Variants in GNAL observed in about 807,000 individuals in gnomAD.
GNAL encodes the protein guanine nucleotide-binding protein G(olf) subunit alpha.
In GNAL, 18 loss-of-function variants were observed where a neutral mutation model predicts 55.1. The ratio of observed to expected loss-of-function variants is 0.33; its 90% CI spans 0.23 to 0.48. The LOEUF (loss-of-function observed/expected upper bound fraction) is 0.48. GNAL is among the 20% of genes least tolerant of loss of function. GNAL has a pLI of 0.99. For missense variants in GNAL, 412 were observed against 614.1 expected (o/e 0.67, Z 3.48); for synonymous variants, 253 against 237.0 (o/e 1.07, Z -0.62).
intron 1 of GNAL, among the ~76,000 whole-genome samples, chr18:11,729,201 T>G (rs2032279528): frequency 6.6e-6 from 1 of 152,142 alleles, no homozygotes. Context: ...GTACAACATC[T>G]TCCATCAAAG....
intron 1 of GNAL, among the ~76,000 whole-genome samples, chr18:11,733,860 A>C (rs2032398483): frequency 7.1e-6 from 1 of 141,116 alleles, no homozygotes. Context: ...TGTATCCCCT[A>C]TGTCTATCAC....
chr18:11,845,275 C>A (rs1248238136), intron 5 of GNAL, among the ~76,000 whole-genome samples: 1 of 152,146 alleles, frequency 6.6e-6, no homozygotes, highest in Non-Finnish European at 1.5e-5. Context: ...TACCGTATTA[C>A]GCCAGACGCA....
intron 1 of GNAL, among the ~76,000 whole-genome samples, chr18:11,699,613 T>C (rs887709116): frequency 6.6e-6 from 1 of 152,016 alleles, no homozygotes; most frequent in Non-Finnish European, 1.5e-5. Context: ...AACAGAAAAT[T>C]ACCTTCTATC....
intron 1 of GNAL, among the ~76,000 whole-genome samples, chr18:11,715,378 A>G (rs866916782): frequency 6.2e-4 from 92 of 149,540 alleles, no homozygotes; most frequent in Middle Eastern, 3.4e-3. Context: ...GGAGAATGGC[A>G]TGAACCCGGG....
intron 4 of GNAL, chr18:11,810,256 T>TG (rs2034776183): frequency 6.6e-6 from 1 of 152,304 alleles, no homozygotes; most frequent in South Asian, 2.1e-4. Context: ...TAGCCAGGCG[T>TG]GGTGGTGTGC....
intron 4 of GNAL, among the ~76,000 whole-genome samples, chr18:11,796,113 ATAT>A (rs2034372527): frequency 1.3e-5 from 2 of 152,172 alleles, no homozygotes; most frequent in Non-Finnish European, 2.9e-5. Flanking sequence ...CATTAACTTT[ATAT>A]ACACAAACCA....
chr18:11,724,984 G>T (rs2032181180), intron 1 of GNAL, among the ~76,000 whole-genome samples: 3 of 152,144 alleles, frequency 2.0e-5, no homozygotes. Flanking sequence ...AGCACCATGG[G>T]GTCTGCTGGG....
chr18:11,769,013 T>A (rs1218820076), intron 4 of GNAL, among the ~76,000 whole-genome samples: 2 of 106,216 alleles, frequency 1.9e-5, no homozygotes, highest in South Asian at 2.3e-4. Context: ...AATATATATA[T>A]TCTATATTAT....
At chr18:11,800,380 A>C (rs945736739) in intron 4 of GNAL, among the ~76,000 whole-genome samples, 7 of 152,214 alleles carry the variant, frequency 4.6e-5, no homozygotes, top group Admixed American at 3.3e-4. Context: ...AATTGGGAGA[A>C]TTGCTGAACA....
At chr18:11,755,522 G>T (rs1568012215) in intron 4 of GNAL, among the ~76,000 whole-genome samples, 1 of 152,096 alleles carries the variant, frequency 6.6e-6, no homozygotes, top group African/African-American at 2.4e-5. Flanking sequence ...TGATCCACCC[G>T]CCTCGGCCTC....
intron 5 of GNAL, among the ~76,000 whole-genome samples, chr18:11,827,035 C>A (rs1370132329): frequency 6.6e-6 from 1 of 152,132 alleles, no homozygotes; most frequent in Non-Finnish European, 1.5e-5. Flanking sequence ...GGGCACAGGT[C>A]GTCCGGGCCA....
intron 4 of GNAL, among the ~76,000 whole-genome samples, chr18:11,754,167 C>T (rs995638537): frequency 2.0e-5 from 3 of 152,126 alleles, no homozygotes; most frequent in African/African-American, 7.2e-5. Context: ...GTAATCCCAG[C>T]GCTTTGGGAG....
chr18:11,824,052 GT>G (rs1598408686), intron 4 of GNAL, among the ~76,000 whole-genome samples: 2 of 151,898 alleles, frequency 1.3e-5, no homozygotes, highest in East Asian at 3.9e-4. Context: ...TTAACTCCTA[GT>G]TTTTTTTAAA....
intron 4 of GNAL, among the ~76,000 whole-genome samples, chr18:11,824,474 G>C (rs1039673729): frequency 1.3e-5 from 2 of 151,998 alleles, no homozygotes; most frequent in African/African-American, 4.8e-5. Flanking sequence ...GATCACTTGA[G>C]GTCAGGAGTT....
At chr18:11,696,523 G>A (rs913575803) in intron 1 of GNAL, among the ~76,000 whole-genome samples, 12 of 149,550 alleles carry the variant, frequency 8.0e-5, no homozygotes, top group Admixed American at 2.0e-4. Flanking sequence ...AAAAAAGCAC[G>A]CATAACACAT....
chr18:11,743,364 A>G (rs1022330806), intron 1 of GNAL, among the ~76,000 whole-genome samples: 1 of 151,976 alleles, frequency 6.6e-6, no homozygotes. Context: ...TGCAGACCAC[A>G]TTGTTCCTCT....
intron 7 of GNAL, among the ~76,000 whole-genome samples, chr18:11,864,928 A>T (rs1469984344): frequency 1.3e-5 from 2 of 152,188 alleles, no homozygotes; most frequent in South Asian, 2.1e-4. Context: ...TGAAATGAGC[A>T]GTTTATGTGT....
In GNAL at chr18:11,751,189, G is replaced by A. The variant is rs9967279; in HGVS notation, c.377-1664G>A. Among the ~76,000 whole-genome samples, 27,633 of 152,052 alleles carry A rather than the reference G, an allele frequency of 0.18. 3,913 individuals carry two copies. Among genetic ancestry groups the A allele is most frequent in the African/African-American group, 0.4 (16,463 of 41,428 alleles). On this transcript the variant is annotated intron_variant, in intron 1 of 11. Coordinates refer to ENST00000334049, the MANE Select transcript of GNAL (RefSeq NM_182978.4). This position sits in a 1 kb window ranked among gnomAD's most constrained non-coding sequence, Gnocchi z 4.5. ...CAGTGATTTCTCCACGCCCACGGCTGGTGTCCACGACTTCGGCCCGGCCCC... is the reference window on the plus strand; with the variant it reads ...CAGTGATTTCTCCACGCCCACGGCTAGTGTCCACGACTTCGGCCCGGCCCC...
intron 1 of GNAL, among the ~76,000 whole-genome samples, chr18:11,724,467 G>A (rs535570643): frequency 2.0e-5 from 3 of 152,326 alleles, no homozygotes; most frequent in East Asian, 1.9e-4. Flanking sequence ...GTGCAGTGCT[G>A]TAGCTGTTCT....
Sources: gnomAD v4.1 joint callset for allele counts (sites outside exome capture counted in the v4.1 genomes callset) on GRCh38, gnomAD v4.1.1 for gene constraint, Gnocchi (gnomAD v3.1) non-coding constraint, MANE v1.5 for transcripts, NCBI Gene and HGNC (gene_info 2026-07-23, HGNC 2026-07-21) for gene names.